Variants in SGCD observed in about 807,000 individuals in gnomAD.
The protein encoded by SGCD is sarcoglycan delta.
SGCD carries 18 observed loss-of-function variants against 36.6 expected under a neutral mutation model. The ratio of observed to expected loss-of-function variants is 0.49; its 90% CI spans 0.34 to 0.73. The LOEUF (loss-of-function observed/expected upper bound fraction) is 0.73. Ranked by LOEUF, SGCD falls within the 30% of genes least tolerant of loss-of-function variation. SGCD has a pLI of 0.01. For missense variants in SGCD, 387 were observed against 346.7 expected (o/e 1.12, Z -0.92); for synonymous variants, 133 against 130.6 (o/e 1.02, Z -0.12).
intron 3 of SGCD, among the ~76,000 whole-genome samples, chr5:156,449,354 G>A (rs544325405): frequency 6.6e-6 from 1 of 152,148 alleles, no homozygotes; most frequent in East Asian, 1.9e-4. Flanking sequence ...TGTAAGGGCG[G>A]AACTAAGTCT....
At chr5:156,635,977 T>C (rs368431410) in intron 6 of SGCD, among the ~76,000 whole-genome samples, 3 of 151,998 alleles carry the variant, frequency 2.0e-5, no homozygotes, top group African/African-American at 7.3e-5. Flanking sequence ...ATGGCACATG[T>C]ATACATATGT....
At chr5:156,013,999 T>G (rs922256116) in intron 1 of SGCD, among the ~76,000 whole-genome samples, 4 of 150,174 alleles carry the variant, frequency 2.7e-5, no homozygotes, top group African/African-American at 9.8e-5. Flanking sequence ...TGCAGCTTAC[T>G]TTTTTTTTTC....
intron 4 of SGCD, among the ~76,000 whole-genome samples, chr5:156,563,749 C>A (rs1301627195): frequency 3.5e-5 from 5 of 142,284 alleles, no homozygotes; most frequent in African/African-American, 9.7e-5. Context: ...CCTACTCCCT[C>A]AAGTTTTTCA....
intron 1 of SGCD, among the ~76,000 whole-genome samples, chr5:155,984,319 A>T (rs2127562920): frequency 6.6e-6 from 1 of 152,334 alleles, no homozygotes; most frequent in East Asian, 1.9e-4. Flanking sequence ...CAGTCATAGA[A>T]TACCAAGTGT....
intron 7 of SGCD, among the ~76,000 whole-genome samples, chr5:156,745,734 CATT>C (rs548208838): frequency 2.0e-5 from 3 of 152,042 alleles, no homozygotes; most frequent in African/African-American, 7.2e-5. Context: ...AAAAATAACA[CATT>C]AGAAAAGAAA....
the SGCD span, among the ~76,000 whole-genome samples, chr5:155,758,737 C>T: frequency 6.6e-6 from 1 of 152,172 alleles, no homozygotes; most frequent in African/African-American, 2.4e-5. Context: ...TCCCAAATCA[C>T]CACCCCGACC....
intron 3 of SGCD, among the ~76,000 whole-genome samples, chr5:156,420,741 G>A (rs977252161): frequency 2.6e-5 from 4 of 152,100 alleles, no homozygotes; most frequent in Admixed American, 2.0e-4. Context: ...ACAATTAGCT[G>A]CAAGCTACAG....
intron 7 of SGCD, among the ~76,000 whole-genome samples, chr5:156,686,929 G>C (rs116644152): frequency 0.018 from 2,665 of 152,202 alleles, 34 homozygotes; most frequent in Non-Finnish European, 0.029. Context: ...ATTTATTAAC[G>C]TGTCTGATTC....
chr5:155,982,027 A>G (rs931666607), intron 1 of SGCD, among the ~76,000 whole-genome samples: 1 of 152,070 alleles, frequency 6.6e-6, no homozygotes, highest in Non-Finnish European at 1.5e-5. Flanking sequence ...CTCATTTGTA[A>G]TCTTCTAAAT....
chr5:156,234,056 G>A (rs1268834395), intron 3 of SGCD, among the ~76,000 whole-genome samples: 1 of 152,244 alleles, frequency 6.6e-6, no homozygotes, highest in Non-Finnish European at 1.5e-5. Context: ...TCAGCATTTG[G>A]TGTTGTCAAT....
intron 6 of SGCD, among the ~76,000 whole-genome samples, chr5:156,595,427 C>G (rs927945176): frequency 3.9e-4 from 59 of 152,130 alleles, no homozygotes; most frequent in African/African-American, 1.3e-3. Context: ...TTATAAGCCA[C>G]CCAGGCTATG....
intron 3 of SGCD, among the ~76,000 whole-genome samples, chr5:156,439,394 G>A (rs1377918307): frequency 6.6e-6 from 1 of 152,052 alleles, no homozygotes; most frequent in African/African-American, 2.4e-5. Context: ...CTCCTTCTTG[G>A]GGAAACTTAG....
intron 1 of SGCD, among the ~76,000 whole-genome samples, chr5:156,028,045 G>T (rs1015587126): frequency 6.6e-6 from 1 of 152,128 alleles, no homozygotes; most frequent in Non-Finnish European, 1.5e-5. Flanking sequence ...ACTTCCTAAA[G>T]CTCCTGTCTT....
Position 156,180,680 on chromosome 5 carries a change from T to C in SGCD, c.-44+56661T>C, listed in dbSNP as rs146707860. The stretch of plus-strand genomic sequence containing the variant: ...CATTCAACATTTATTTTAACATGTT[T>C]ATGTACATGAGGGCCATACACAAAT... On this transcript the variant is annotated intron_variant, in intron 3 of 9. Coordinates refer to the SGCD transcript ENST00000517913. Among the ~76,000 whole-genome samples, 334 of 152,304 alleles carry C rather than the reference T, an allele frequency of 2.2e-3. 1 individual carries two copies. The highest frequency in any genetic ancestry group is 7.5e-3 in the African/African-American group (312 of 41,566).
At chr5:156,498,819 G>A (rs1756316383) in intron 3 of SGCD, among the ~76,000 whole-genome samples, 1 of 152,110 alleles carries the variant, frequency 6.6e-6, no homozygotes, top group Non-Finnish European at 1.5e-5. Flanking sequence ...TGGTAACTCC[G>A]TGTTTAAATT....
intron 7 of SGCD, among the ~76,000 whole-genome samples, chr5:156,755,528 G>T (rs374892703): frequency 6.6e-6 from 1 of 152,206 alleles, no homozygotes. Context: ...TTGGATTAAG[G>T]TTCTAGACCA....
At chr5:156,169,632 A>G (rs1235171788) in intron 3 of SGCD, among the ~76,000 whole-genome samples, 1 of 152,238 alleles carries the variant, frequency 6.6e-6, no homozygotes, top group Non-Finnish European at 1.5e-5. Context: ...AATAGAGCAG[A>G]TGCTGGAGAG....
At chr5:156,431,812 T>G (rs1561691438) in intron 3 of SGCD, among the ~76,000 whole-genome samples, 1 of 152,172 alleles carries the variant, frequency 6.6e-6, no homozygotes, top group Non-Finnish European at 1.5e-5. Context: ...GCCTCCCCAG[T>G]TCAGGTGATT....
chr5:155,838,689 A>T, the SGCD span, among the ~76,000 whole-genome samples: 1 of 150,484 alleles, frequency 6.6e-6, no homozygotes, highest in Non-Finnish European at 1.5e-5. Context: ...TCCAGAATCT[A>T]TTTGACATGT....
Sources: gnomAD v4.1 joint callset for allele counts (sites outside exome capture counted in the v4.1 genomes callset) on GRCh38, gnomAD v4.1.1 for gene constraint, MANE v1.5 for transcripts, NCBI Gene and HGNC (gene_info 2026-07-23, HGNC 2026-07-21) for gene names.